KALRN: variants seen among roughly 807,000 people sequenced by gnomAD.
KALRN encodes the protein kalirin.
In KALRN, 70 loss-of-function variants were observed where a neutral mutation model predicts 353.7. The ratio of observed to expected loss-of-function variants is 0.20; its 90% CI spans 0.16 to 0.24. The LOEUF (loss-of-function observed/expected upper bound fraction) is 0.24, where lower values mean the gene tolerates loss of function less well. Ranked by LOEUF, KALRN falls within the 10% of genes least tolerant of loss-of-function variation. The probability of loss-of-function intolerance (pLI) is 1.00; values close to 1 mark genes in which losing one functional copy is unlikely to be tolerated. For synonymous variants in KALRN, 1,391 were observed against 1,434.8 expected (o/e 0.97, Z 0.69); for missense variants, 2,791 against 3,756.7 (o/e 0.74, Z 6.72).
At chr3:124,495,274 C>T (rs953313203) in intron 32 of KALRN, among the ~76,000 whole-genome samples, 2 of 152,118 alleles carry the variant, frequency 1.3e-5, no homozygotes, top group African/African-American at 2.4e-5. Context: ...GATAAGAAAT[C>T]ATTATAAACA....
intron 34 of KALRN, among the ~76,000 whole-genome samples, chr3:124,573,938 G>A (rs1230984019): frequency 6.6e-6 from 1 of 152,166 alleles, no homozygotes; most frequent in Non-Finnish European, 1.5e-5. Flanking sequence ...CCTATTCTCT[G>A]TCATTAATTC....
intron 34 of KALRN, among the ~76,000 whole-genome samples, chr3:124,615,221 C>G (rs2078436709): frequency 6.6e-6 from 1 of 152,086 alleles, no homozygotes; most frequent in Non-Finnish European, 1.5e-5. Context: ...TTGGGATATT[C>G]CTACCAAAAA....
intron 15 of KALRN, 94 bp from the exon 16 acceptor site, chr3:124,430,562 T>G (rs2093225952): frequency 6.9e-6 from 10 of 1,440,038 alleles, no homozygotes; most frequent in South Asian, 1.3e-5. Context: ...TAAAAGATAG[T>G]GAGCTCTCCA....
intron 3 of KALRN, among the ~76,000 whole-genome samples, chr3:124,239,568 A>T (rs889542487): frequency 6.6e-6 from 1 of 152,236 alleles, no homozygotes. Flanking sequence ...AATGTCAATC[A>T]AATCAAGGTG....
At chr3:124,655,167 G>A (rs1233543495) in intron 38 of KALRN, among the ~76,000 whole-genome samples, 1 of 152,178 alleles carries the variant, frequency 6.6e-6, no homozygotes, top group Admixed American at 6.5e-5. Flanking sequence ...TTCTCTTCTT[G>A]TTAAGTGAAG....
At chr3:124,597,090 A>G (rs2076343949) in intron 34 of KALRN, among the ~76,000 whole-genome samples, 1 of 152,080 alleles carries the variant, frequency 6.6e-6, no homozygotes, top group South Asian at 2.1e-4. Context: ...CAAAACAACA[A>G]AAATAAGTAC....
At chr3:124,646,250 A>G (rs1435780757) in intron 37 of KALRN, among the ~76,000 whole-genome samples, 1 of 152,140 alleles carries the variant, frequency 6.6e-6, no homozygotes, top group African/African-American at 2.4e-5. Context: ...GGAATCAAGC[A>G]CAGAATTTTC....
At chr3:124,039,471 C>T (rs2332738) in intron 1 of KALRN, among the ~76,000 whole-genome samples, 151,660 of 152,370 alleles carry the variant, frequency 1, 75,481 homozygotes, top group Middle Eastern at 1. Flanking sequence ...AAAAAACACC[C>T]CCTCACAATA....
intron 1 of KALRN, among the ~76,000 whole-genome samples, chr3:124,124,518 G>A (rs542671654): frequency 6.6e-6 from 1 of 152,342 alleles, no homozygotes; most frequent in South Asian, 2.1e-4. Flanking sequence ...CTGGTTTTGA[G>A]AGGATTCACT....
At chr3:124,573,174 T>G (rs2713647) in intron 34 of KALRN, among the ~76,000 whole-genome samples, 46,709 of 151,954 alleles carry the variant, frequency 0.31, 7,368 homozygotes, top group East Asian at 0.38. Flanking sequence ...GTCTGGGACG[T>G]GAGAGAGGAT....
chr3:124,036,989 T>C (rs949406649), intron 1 of KALRN, among the ~76,000 whole-genome samples: 18 of 152,240 alleles, frequency 1.2e-4, no homozygotes, highest in Non-Finnish European at 2.2e-4. Context: ...CCAGATTGTC[T>C]TCTTGGGAAT....
At chr3:124,102,721 C>T (rs1371241312) in intron 1 of KALRN, among the ~76,000 whole-genome samples, 1 of 152,126 alleles carries the variant, frequency 6.6e-6, no homozygotes, top group Non-Finnish European at 1.5e-5. Context: ...GCCCTTGTCC[C>T]CACTATCCTT....
At chr3:124,174,713 T>G (rs1270044184) in intron 1 of KALRN, among the ~76,000 whole-genome samples, 1 of 152,132 alleles carries the variant, frequency 6.6e-6, no homozygotes, top group African/African-American at 2.4e-5. Context: ...TGCCAACTCC[T>G]CTCCCCCTAC....
intron 39 of KALRN, among the ~76,000 whole-genome samples, 198 bp downstream of exon 39, chr3:124,655,865 G>A (rs940447592): frequency 6.6e-6 from 1 of 152,246 alleles, no homozygotes; most frequent in South Asian, 2.1e-4. Flanking sequence ...TATTTAGAGG[G>A]AAGTAGTGGC....
At chr3:124,400,689 C>T (rs907787989) in intron 13 of KALRN, among the ~76,000 whole-genome samples, 8 of 152,096 alleles carry the variant, frequency 5.3e-5, no homozygotes, top group Admixed American at 1.3e-4. Context: ...GGTCATTATT[C>T]TTTAGTAATA....
At chr3:124,644,159 T>A (rs672763) in intron 37 of KALRN, among the ~76,000 whole-genome samples, 35,541 of 151,900 alleles carry the variant, frequency 0.23, 4,429 homozygotes, top group East Asian at 0.47. Context: ...TGGTAACTAC[T>A]GTTTTATTTT....
At chr3:124,060,294 C>T (rs969492948) in intron 1 of KALRN, among the ~76,000 whole-genome samples, 3 of 152,130 alleles carry the variant, frequency 2.0e-5, no homozygotes, top group African/African-American at 4.8e-5. Context: ...AGCATCAGCT[C>T]TGTAATTTGC....
chr3:124,720,863 T>A lies in KALRN; in HGVS notation c.*1393T>A, dbSNP rs2063342262. 6.6e-6 allele frequency: 1 copy of A among 152,234 alleles called. No individual in the cohort carries two copies. Among genetic ancestry groups the A allele is most frequent in the Non-Finnish European group, 1.5e-5 (1 of 68,028 alleles). The allele number at this position is 152,234 out of a possible 1,614,324, so 9.4% of individuals were successfully genotyped here. On this transcript the variant is annotated 3_prime_UTR_variant, in exon 60 of 60. Coordinates refer to ENST00000682506, the MANE Select transcript of KALRN (RefSeq NM_001388419.1). ...ATTTGTTTTGGAGGGAGGGAGCTTG[T>A]TTTTTGTGTTTGTACATGATCCACC... is the stretch of plus-strand genomic sequence containing the variant.
chr3:124,107,176 T>G (rs946788249), intron 1 of KALRN, among the ~76,000 whole-genome samples: 3 of 152,192 alleles, frequency 2.0e-5, no homozygotes, highest in Non-Finnish European at 4.4e-5. Flanking sequence ...AGCTCCATAT[T>G]TTATAGACTA....
Sources: allele counts gnomAD v4.1 joint callset (sites outside exome capture counted in the v4.1 genomes callset), GRCh38; gene constraint gnomAD v4.1.1; transcripts MANE v1.5; gene names NCBI Gene and HGNC (gene_info 2026-07-23, HGNC 2026-07-21).